Variants in EIF4ENIF1 observed in about 807,000 individuals in gnomAD.
The protein encoded by EIF4ENIF1 is eukaryotic translation initiation factor 4E nuclear import factor 1.
In EIF4ENIF1, 23 loss-of-function variants were observed where a neutral mutation model predicts 110.5. That is an observed-to-expected ratio of 0.21 (90% CI 0.15 to 0.29). The LOEUF (loss-of-function observed/expected upper bound fraction) is 0.29, where lower values mean the gene tolerates loss of function less well. Ranked by LOEUF, EIF4ENIF1 falls within the 10% of genes least tolerant of loss-of-function variation. The pLI, the probability that EIF4ENIF1 is intolerant of heterozygous loss-of-function variation, is 1.00. For synonymous variants in EIF4ENIF1, 440 were observed against 437.0 expected (o/e 1.01, Z -0.09); for missense variants, 1,031 against 1,221.1 (o/e 0.84, Z 2.32).
Position 31,444,672 on chromosome 22 carries a change from C to G in EIF4ENIF1, c.2007G>C (p.Lys669Asn). Residue 669 changes from lysine to asparagine, a missense_variant, in exon 15 of 19, where the codon AAG becomes AAC. Physicochemically the swap from Lys to Asn is moderately conservative, Grantham distance 94 (BLOSUM62 0). Transcript: ENST00000330125. The part of the protein sequence containing the change: ...GFRNRQQRVT[K>N]SPAPVHRGNS... ...TCCCTCGATGCACGGGTGCTGGTGACTTGGTCACTCGCTGTTGCCTGTGAA... is the reference window on the plus strand; with the variant it reads ...TCCCTCGATGCACGGGTGCTGGTGAGTTGGTCACTCGCTGTTGCCTGTGAA... The G allele has an allele frequency of 6.2e-7, 1 of 1,614,136 alleles. No homozygotes were observed.
At chr22:31,446,765 C>T (rs1215718821) in intron 14 of EIF4ENIF1, among the ~76,000 whole-genome samples, 1 of 152,144 alleles carries the variant, frequency 6.6e-6, no homozygotes, top group Non-Finnish European at 1.5e-5. Flanking sequence ...TAATAAGCTA[C>T]ACATTTGTTT....
Position 31,468,029 on chromosome 22 carries a change from T to G in EIF4ENIF1, c.298+146A>C, listed in dbSNP as rs565711679. On this transcript the variant is annotated intron_variant, in intron 4 of 18. Coordinates refer to ENST00000330125, the MANE Select transcript of EIF4ENIF1 (RefSeq NM_019843.4). The stretch of plus-strand genomic sequence containing the variant: ...GTAGACTATGACTTTACCCTGCTGA[T>G]TAGGAAAAATCCAACCGATAAATCA... 1.3e-4 allele frequency: 158 copies of G among 1,198,528 alleles called. 1 individual carries two copies. The South Asian group carries it at 1.8e-3, about 14-fold the overall frequency. 74.2% of individuals were successfully genotyped at this position (1,198,528 alleles called of 1,614,324 possible).
In EIF4ENIF1 at chr22:31,440,075, A is replaced by C. The variant is rs2050244856; in HGVS notation, c.2763T>G (p.Val921=). The change falls in exon 19 of 19, where the codon GTT becomes GTG. Residue 921 remains valine, a synonymous_variant. Transcript: ENST00000330125. The part of the protein sequence containing the change: ...GSGSHAAAVS[V]QTTPQNVPSR... ...TGGGCACGTTCTGAGGGGTTGTCTG[A>C]ACGCTGACAGCTGCTGCATGGGAAC... The C allele has an allele frequency of 6.2e-7, 1 of 1,614,010 alleles. No homozygotes were observed. Among genetic ancestry groups the C allele is most frequent in the African/African-American group, 1.3e-5 (1 of 74,918 alleles).
intron 17 of EIF4ENIF1, 65 bp downstream of exon 17, chr22:31,441,709 T>A: frequency 7.5e-7 from 1 of 1,328,284 alleles, no homozygotes; most frequent in South Asian, 1.4e-5. Flanking sequence ...TAGCACTTCA[T>A]CAGTGCCAAC....
At chr22:31,488,484 C>A in intron 2 of EIF4ENIF1, 139 bp downstream of exon 2, 1 of 1,299,560 alleles carries the variant, frequency 7.7e-7, no homozygotes, top group Non-Finnish European at 1.1e-6. Flanking sequence ...CAAAGTAATG[C>A]ACTACTAAAT....
chr22:31,442,790 C>T (rs999135234), intron 16 of EIF4ENIF1, among the ~76,000 whole-genome samples, 172 bp downstream of exon 16: 2 of 152,146 alleles, frequency 1.3e-5, no homozygotes, highest in African/African-American at 4.8e-5. Flanking sequence ...TGAGCTGGCC[C>T]AATTCTTCTC....
upstream of EIF4ENIF1, among the ~76,000 whole-genome samples, chr22:31,492,358 AATGTGTAGGC>A (rs1293300479): frequency 3.3e-5 from 5 of 152,226 alleles, no homozygotes; most frequent in Admixed American, 3.3e-4. Context: ...AATGTCAAGG[AATGTGTAGGC>A]ATGTTTTAAA....
chr22:31,443,928 C>T (rs1415492815), intron 15 of EIF4ENIF1, among the ~76,000 whole-genome samples: 1 of 151,436 alleles, frequency 6.6e-6, no homozygotes, highest in Non-Finnish European at 1.5e-5. Flanking sequence ...CCGAGTATAG[C>T]TGGGACCACA....
upstream of EIF4ENIF1, among the ~76,000 whole-genome samples, chr22:31,490,776 CTGTGGTACTGCGCAGCGT>C (rs1459253930): frequency 6.6e-6 from 1 of 152,178 alleles, no homozygotes; most frequent in Non-Finnish European, 1.5e-5. Flanking sequence ...CATTTCTGCC[CTGTGGTACTGCGCAGCGT>C]TGGTGTGAAG....
chr22:31,461,136 A>G (rs547119754), intron 6 of EIF4ENIF1, among the ~76,000 whole-genome samples: 5 of 152,300 alleles, frequency 3.3e-5, no homozygotes, highest in African/African-American at 1.2e-4. Context: ...TATGATAGGC[A>G]TTGTTCTTCC....
intron 4 of EIF4ENIF1, among the ~76,000 whole-genome samples, chr22:31,467,389 T>C (rs1262462991): frequency 1.3e-5 from 2 of 152,204 alleles, no homozygotes; most frequent in African/African-American, 4.8e-5. Context: ...TGCTTTTATA[T>C]TACCTGGTCT....
intron 7 of EIF4ENIF1, among the ~76,000 whole-genome samples, chr22:31,456,199 ACTTTC>A (rs1217250194): frequency 6.7e-6 from 1 of 149,730 alleles, no homozygotes; most frequent in African/African-American, 2.5e-5. Flanking sequence ...CCATCTACTT[ACTTTC>A]CTTTTTTATT....
intron 2 of EIF4ENIF1, among the ~76,000 whole-genome samples, chr22:31,480,571 T>C (rs753177489): frequency 9.9e-5 from 15 of 151,362 alleles, no homozygotes; most frequent in Non-Finnish European, 1.8e-4. Context: ...CAGCCTAACA[T>C]GGAGAAACCC....
chr22:31,455,180 A>G lies in EIF4ENIF1; in HGVS notation c.1235T>C (p.Leu412Pro). 1 of 1,613,158 alleles carries G rather than the reference A, an allele frequency of 6.2e-7. No individual in the cohort carries two copies. The highest frequency in any genetic ancestry group is 8.5e-7 in the Non-Finnish European group (1 of 1,179,764). ...LQKAKVDLKP[L>P]LSSLSANKEK... The stretch of plus-strand genomic sequence containing the variant: ...TTTATTTGCAGAAAGGCTGGAAAGA[A>G]GAGGTTTCAAATCCACTTTGGCTTT... The change falls in exon 9 of 19, where the codon CTT (leucine) becomes CCT (proline). Residue 412 changes from leucine to proline, a missense_variant. Coordinates refer to ENST00000330125, the MANE Select transcript of EIF4ENIF1 (RefSeq NM_019843.4).
intron 2 of EIF4ENIF1, among the ~76,000 whole-genome samples, chr22:31,486,288 A>C (rs12169392): frequency 6.7e-6 from 1 of 149,278 alleles, no homozygotes; most frequent in Non-Finnish European, 1.5e-5. Flanking sequence ...AAAAAATAAA[A>C]ATAAAAATAA....
intron 4 of EIF4ENIF1, among the ~76,000 whole-genome samples, chr22:31,467,968 C>T (rs2051246733): frequency 6.6e-6 from 1 of 152,186 alleles, no homozygotes; most frequent in South Asian, 2.1e-4. Flanking sequence ...TTCAGAAGCA[C>T]ACAGCCTAAC....
At chr22:31,491,676 G>C (rs1347939583), upstream of EIF4ENIF1, among the ~76,000 whole-genome samples, 1 of 152,120 alleles carries the variant, frequency 6.6e-6, no homozygotes, top group East Asian at 1.9e-4. Context: ...AAATAGCTGG[G>C]ACTACAGGCT....
intron 3 of EIF4ENIF1, 152 bp from the exon 4 acceptor site, chr22:31,468,454 G>C: frequency 9.2e-7 from 1 of 1,087,546 alleles, no homozygotes; most frequent in South Asian, 1.6e-5. Context: ...GAGCGCAGTG[G>C]CGTGATCTCA....
intron 2 of EIF4ENIF1, among the ~76,000 whole-genome samples, chr22:31,481,165 AATTT>A (rs1219194429): frequency 1.3e-5 from 2 of 151,396 alleles, no homozygotes; most frequent in Non-Finnish European, 2.9e-5. Flanking sequence ...AAGATTGAAT[AATTT>A]TTTTTTCCTT....
Sources: allele counts gnomAD v4.1 joint callset (sites outside exome capture counted in the v4.1 genomes callset), GRCh38; gene constraint gnomAD v4.1.1; transcripts MANE v1.5; gene names NCBI Gene and HGNC (gene_info 2026-07-23, HGNC 2026-07-21).